BOC: variants seen among roughly 807,000 people sequenced by gnomAD.
BOC encodes brother of CDO.
Under a neutral mutation model 112.0 loss-of-function variants are expected in BOC, and 76 were observed. The ratio of observed to expected loss-of-function variants is 0.68; its 90% CI spans 0.56 to 0.82. BOC has a LOEUF of 0.82. Among genes scored for constraint, BOC ranks in the 40% least tolerant of loss-of-function variants. BOC has a pLI of 0.00. For missense variants in BOC, 1,309 were observed against 1,511.7 expected, an observed-to-expected ratio of 0.87 and a Z score of 2.22; for synonymous variants, 580 against 599.8, an observed-to-expected ratio of 0.97 and a Z score of 0.48.
Position 113,284,826 on chromosome 3 carries a change from T to C in BOC, c.2934T>C (p.Asn978=). 1.2e-6 allele frequency: 2 copies of C among 1,614,188 alleles called. No individual in the cohort carries two copies. The highest frequency in any genetic ancestry group is 2.2e-5 in the East Asian group (1 of 44,868). Residue 978 remains asparagine (N), a synonymous_variant, in exon 18 of 20, where the codon AAT becomes AAC. Transcript: ENST00000682979. The part of the protein sequence containing the change: ...SSLLRQTHLG[N]GYDPQSHQIT... ...TGCTGAGGCAGACCCATCTTGGCAATGGATATGACCCCCAAAGTCACCAGA... is the reference window on the plus strand; with the variant it reads ...TGCTGAGGCAGACCCATCTTGGCAACGGATATGACCCCCAAAGTCACCAGA...
intron 4 of BOC, chr3:113,251,160 C>T (rs1350673482): frequency 1.8e-6 from 1 of 559,432 alleles, no homozygotes; most frequent in Non-Finnish European, 3.2e-6. Context: ...CCTACTTGGT[C>T]ATCCTGTGGC....
chr3:113,268,698 C>T (rs1947788776), intron 5 of BOC, among the ~76,000 whole-genome samples: 1 of 152,208 alleles, frequency 6.6e-6, no homozygotes, highest in Non-Finnish European at 1.5e-5. Flanking sequence ...CCTCCATCAC[C>T]AAGGCTCAAG....
intron 2 of BOC, among the ~76,000 whole-genome samples, chr3:113,226,317 A>T (rs1029203602): frequency 3.9e-5 from 6 of 152,140 alleles, no homozygotes; most frequent in Non-Finnish European, 7.3e-5. Flanking sequence ...GTCTTTCTCC[A>T]TGTGGGGTGC....
chr3:113,232,501 A>G (rs6769798), intron 2 of BOC, among the ~76,000 whole-genome samples: 17,958 of 152,234 alleles, frequency 0.12, 1,337 homozygotes, highest in East Asian at 0.21. Context: ...TGGGAAAGAA[A>G]GTAAACTGTC....
rs1938201345 is a variant in BOC, at chr3:113,211,871, C to G, written c.-315C>G. On this transcript the variant is annotated 5_prime_UTR_variant, in exon 1 of 20. Coordinates refer to ENST00000682979, the MANE Select transcript of BOC (RefSeq NM_001378074.1). Reference sequence around the variant, plus strand: ...TCCTCGGCTCCTTTGTTGCTCCAGCCGCGGCCGCTCGCCCGTGTTGTGTGT... The same window carrying G: ...TCCTCGGCTCCTTTGTTGCTCCAGCGGCGGCCGCTCGCCCGTGTTGTGTGT... 1 of 152,346 alleles carries G rather than the reference C, an allele frequency of 6.6e-6. No individual in the cohort carries two copies. The highest frequency in any genetic ancestry group is 6.5e-5 in the Admixed American group (1 of 15,286). 9.4% of individuals were successfully genotyped at this position (152,346 alleles called of 1,614,324 possible). A position where few individuals can be genotyped will look rare whatever the true frequency, so the allele number is the denominator to read the frequency against.
intron 2 of BOC, among the ~76,000 whole-genome samples, chr3:113,233,892 A>G (rs773349685): frequency 1.3e-5 from 2 of 151,386 alleles, no homozygotes; most frequent in Admixed American, 6.6e-5. Context: ...CCCAAACCAA[A>G]TCCCTAAGGG....
chr3:113,283,528 C>T lies in BOC; in HGVS notation c.2552C>T (p.Ser851Phe), dbSNP rs1363157059. ...PVGTGAMVARSSDLPYLIVGV... is the reference protein window; with the variant it reads ...PVGTGAMVARFSDLPYLIVGV... ...GGCACTGGGGCCATGGTGGCTCGCT[C>T]CAGCGACCTGCCCTATCTGATTGTC... The change falls in exon 16 of 20, where the codon TCC (serine) becomes TTC (phenylalanine). Residue 851 changes from serine to phenylalanine, a missense_variant. Coordinates refer to ENST00000682979, the MANE Select transcript of BOC (RefSeq NM_001378074.1). 1 of 1,613,996 alleles carries T rather than the reference C, an allele frequency of 6.2e-7. No homozygotes were observed. Among genetic ancestry groups the T allele is most frequent in the African/African-American group, 1.3e-5 (1 of 74,972 alleles).
In BOC at chr3:113,274,036, A is replaced by C. The variant is rs1039336867; in HGVS notation, c.1235-339A>C. On this transcript the variant is annotated intron_variant, in intron 8 of 19. Transcript: ENST00000682979. This position sits in a 1 kb window ranked among gnomAD's most constrained non-coding sequence, Gnocchi z 4.8. ...AGGGACATGTCCCCACCTCCAGCCT[A>C]GACCGAGAAGGAAGGCGCAGGGTTC... Among the ~76,000 whole-genome samples, 3 of 152,216 alleles carry C rather than the reference A, an allele frequency of 2.0e-5. No individual in the cohort carries two copies. The highest frequency in any genetic ancestry group is 4.4e-5 in the Non-Finnish European group (3 of 68,040).
chr3:113,270,549 G>A, intron 5 of BOC: 1 of 466,700 alleles, frequency 2.1e-6, no homozygotes, highest in South Asian at 3.3e-5. Flanking sequence ...AGTTGTGGCA[G>A]TTAGTCAGTC....
chr3:113,286,502 G>A lies in BOC; in HGVS notation c.3161-173G>A, dbSNP rs578101164. ...GGTGGCAAGTGGCCCTCCCTGTTTT[G>A]ATGAGAGACCTTGGAGGGAACAGAA... On this transcript the variant is annotated intron_variant, in intron 19 of 19. Transcript: ENST00000682979. 2.0e-5 allele frequency among the ~76,000 whole-genome samples: 3 copies of A among 152,184 alleles called. No homozygotes were observed. The South Asian group carries it at 6.3e-4, about 32-fold the overall frequency.
intron 2 of BOC, among the ~76,000 whole-genome samples, chr3:113,242,122 C>CA (rs796226387): frequency 0.027 from 3,194 of 119,536 alleles, 63 homozygotes; most frequent in African/African-American, 0.066. Context: ...CCTCCAAAAA[C>CA]AAAAAAAAAA....
chr3:113,224,818 G>T (rs112225976), intron 2 of BOC, among the ~76,000 whole-genome samples: 10,326 of 152,224 alleles, frequency 0.068, 372 homozygotes, highest in East Asian at 0.098. Context: ...AATAGGCCGG[G>T]CATGGTGGCT....
intron 2 of BOC, among the ~76,000 whole-genome samples, chr3:113,219,833 C>T (rs1309286375): frequency 3.9e-5 from 6 of 152,280 alleles, no homozygotes; most frequent in Admixed American, 6.5e-5. Flanking sequence ...TGGTGTCAGA[C>T]TTCGCAGCTA....
intron 4 of BOC, among the ~76,000 whole-genome samples, chr3:113,255,990 T>C (rs909841986): frequency 2.0e-5 from 3 of 152,262 alleles, no homozygotes; most frequent in African/African-American, 7.2e-5. Context: ...ACTTGGTCTT[T>C]AGACTGACTG....
In BOC at chr3:113,247,360, C is replaced by A. The variant is rs74318672; in HGVS notation, c.-81-2362C>A. The stretch of plus-strand genomic sequence containing the variant: ...GGAAAAGCAAATTAGAGAATTAAAG[C>A]AAGTATCTGGAAAATTGAGAGGAAA... On this transcript the variant is annotated intron_variant, in intron 2 of 19. Coordinates refer to ENST00000682979, the MANE Select transcript of BOC (RefSeq NM_001378074.1). Among the ~76,000 whole-genome samples, 879 of 152,186 alleles carry A rather than the reference C, an allele frequency of 5.8e-3. 6 individuals carry two copies. The highest frequency in any genetic ancestry group is 0.02 in the African/African-American group (821 of 41,516).
At chr3:113,238,956 A>G (rs925794929) in intron 2 of BOC, among the ~76,000 whole-genome samples, 1 of 152,250 alleles carries the variant, frequency 6.6e-6, no homozygotes, top group Non-Finnish European at 1.5e-5. Flanking sequence ...GAGAGAAGAC[A>G]GTGCCTGAGA....
chr3:113,246,669 C>T (rs1267014133), intron 2 of BOC, among the ~76,000 whole-genome samples: 1 of 148,640 alleles, frequency 6.7e-6, no homozygotes, highest in Non-Finnish European at 1.5e-5. Context: ...CCAAGCCCCC[C>T]AACCTTCCCC....
chr3:113,285,502 G>T lies in BOC; in HGVS notation c.3097G>T (p.Gly1033Trp), dbSNP rs559785730. Reference sequence around the variant, plus strand: ...GCAGCCTGCTGCTGTGGGCCAGTCAGGGGTGAGGAGAGCCCCCGACAGTCC... The same window carrying T: ...GCAGCCTGCTGCTGTGGGCCAGTCATGGGTGAGGAGAGCCCCCGACAGTCC... The part of the protein sequence containing the change: ...QEQPAAVGQS[G>W]VRRAPDSPVL... The change falls in exon 19 of 20, where the codon GGG becomes TGG. Residue 1033 changes from glycine (G) to tryptophan (W), a missense_variant. Physicochemically the swap from Gly to Trp is radical, Grantham distance 184 (BLOSUM62 -2). Coordinates refer to ENST00000682979, the MANE Select transcript of BOC (RefSeq NM_001378074.1). 6.8e-6 allele frequency: 11 copies of T among 1,613,778 alleles called. No homozygotes were observed. The South Asian group carries it at 1.2e-4, about 18-fold the overall frequency.
At chr3:113,270,551 TAGTC>T (rs201118020) in intron 5 of BOC, 33 of 468,192 alleles carry the variant, frequency 7.0e-5, no homozygotes, top group Middle Eastern at 5.5e-4. Context: ...TTGTGGCAGT[TAGTC>T]AGTCAGCCAG....
Sources: gnomAD v4.1 joint callset for allele counts (sites outside exome capture counted in the v4.1 genomes callset) on GRCh38, gnomAD v4.1.1 for gene constraint, Gnocchi (gnomAD v3.1) non-coding constraint, MANE v1.5 for transcripts, NCBI Gene and HGNC (gene_info 2026-07-23, HGNC 2026-07-21) for gene names.